TMEM232: variants seen among roughly 807,000 people sequenced by gnomAD.
TMEM232 encodes the protein transmembrane protein 232.
A neutral mutation model predicts 78.8 loss-of-function variants in TMEM232; 80 were observed. The ratio of observed to expected loss-of-function variants is 1.01; its 90% confidence interval spans 0.85 to 1.22. The LOEUF is 1.22. Among genes scored for constraint, TMEM232 ranks in the 50% most tolerant of loss-of-function variants. TMEM232 has a pLI of 0.00. For synonymous variants in TMEM232, 297 were observed against 254.3 expected (o/e 1.17, Z -1.60); for missense variants, 881 against 742.2 (o/e 1.19, Z -2.17).
At chr5:110,476,402 G>T (rs898286562) in intron 12 of TMEM232, among the ~76,000 whole-genome samples, 1 of 151,934 alleles carries the variant, frequency 6.6e-6, no homozygotes, top group African/African-American at 2.4e-5. Flanking sequence ...CAAAGAAAAG[G>T]ACTCCAGAGG....
In TMEM232 at chr5:110,606,278, T is replaced by C. The variant is rs1041551641; in HGVS notation, c.912A>G (p.Ser304=). The C allele has an allele frequency of 2.0e-6, 3 of 1,524,142 alleles. No individual in the cohort carries two copies. In the African/African-American group the frequency reaches 4.1e-5, roughly 21 times the overall value. 94.4% of individuals were successfully genotyped at this position (1,524,142 alleles called of 1,614,324 possible). The part of the protein sequence containing the change: ...TQLQKKCWLD[S]VLALLVLGEA... The stretch of plus-strand genomic sequence containing the variant: ...CCCCAAGGACCAGTAAAGCCAGTAC[T>C]GAATCCAACCTGAAAATTTTATGGA... The change falls in exon 9 of 14, where the codon TCA becomes TCG. Residue 304 remains serine (S), a synonymous_variant. Coordinates refer to ENST00000455884, the MANE Select transcript of TMEM232 (RefSeq NM_001039763.4).
At chr5:110,388,376 G>C (rs1428323168) in intron 4 of TMEM232, among the ~76,000 whole-genome samples, 1 of 152,150 alleles carries the variant, frequency 6.6e-6, no homozygotes, top group Non-Finnish European at 1.5e-5. Flanking sequence ...GTCCCAGGTA[G>C]TATATTCCTA....
chr5:110,660,705 A>ATACATAGATAGTTG (rs1187624543), intron 2 of TMEM232, among the ~76,000 whole-genome samples: 2 of 152,224 alleles, frequency 1.3e-5, no homozygotes, highest in East Asian at 3.9e-4. Context: ...ATGATTGTGG[A>ATACATAGATAGTTG]TACATAGATA....
intron 1 of TMEM232, among the ~76,000 whole-genome samples, chr5:110,694,867 C>A (rs938249272): frequency 2.6e-5 from 4 of 152,010 alleles, no homozygotes; most frequent in African/African-American, 9.7e-5. Flanking sequence ...ACTTTAACAC[C>A]CCACTGTCAA....
At chr5:110,390,103 A>C (rs1386773272) in intron 4 of TMEM232, among the ~76,000 whole-genome samples, 4 of 152,024 alleles carry the variant, frequency 2.6e-5, no homozygotes, top group Non-Finnish European at 5.9e-5. Context: ...CTCTCACTAC[A>C]CCCATAACCA....
intron 11 of TMEM232, among the ~76,000 whole-genome samples, chr5:110,535,169 G>A (rs1269784943): frequency 6.6e-6 from 1 of 152,090 alleles, no homozygotes; most frequent in African/African-American, 2.4e-5. Flanking sequence ...TGACCTGCCT[G>A]TACACATCCA....
intron 11 of TMEM232, among the ~76,000 whole-genome samples, chr5:110,550,280 G>C (rs550567915): frequency 4.3e-4 from 65 of 152,184 alleles, no homozygotes; most frequent in African/African-American, 1.6e-3. Context: ...GTTAAACTTG[G>C]AAAAATTGAG....
In TMEM232 at chr5:110,531,791, C is replaced by T. The variant is rs139443711; in HGVS notation, c.1456-2956G>A. On this transcript the variant is annotated intron_variant, in intron 11 of 13. Coordinates refer to ENST00000455884, the MANE Select transcript of TMEM232 (RefSeq NM_001039763.4). ...TAAAAACCCAGCCCAGTTCATGGCT[C>T]GTTTGGCAGCAACCCTGAGATGCTT... Among the ~76,000 whole-genome samples, 1,021 of 152,250 alleles carry T rather than the reference C, an allele frequency of 6.7e-3. 11 individuals are homozygous for T. The highest frequency in any genetic ancestry group is 0.023 in the African/African-American group (953 of 41,526).
intron 11 of TMEM232, among the ~76,000 whole-genome samples, chr5:110,556,903 T>C (rs1775154728): frequency 1.3e-5 from 2 of 152,182 alleles, no homozygotes; most frequent in Non-Finnish European, 2.9e-5. Flanking sequence ...TTGCTCTGAA[T>C]TTGAATATCA....
Position 110,430,967 on chromosome 5 carries a change from T to C in TMEM232, c.1704-6051A>G, listed in dbSNP as rs1309410223. Among the ~76,000 whole-genome samples the C allele has an allele frequency of 2.0e-5, 3 of 151,806 alleles. No individual in the cohort carries two copies. In the East Asian group the frequency reaches 5.8e-4, roughly 29 times the overall value. On this transcript the variant is annotated intron_variant, in intron 12 of 13. Transcript: ENST00000455884. ...AAAATATACTTCTCCTTAGAGCATT[T>C]ATCCTTTTATTTTATGGATTGAAAA...
intron 10 of TMEM232, among the ~76,000 whole-genome samples, chr5:110,593,451 A>C (rs1779774849): frequency 6.6e-6 from 1 of 152,200 alleles, no homozygotes; most frequent in Non-Finnish European, 1.5e-5. Context: ...GGAAAATATC[A>C]GATTTTCTTT....
intron 1 of TMEM232, among the ~76,000 whole-genome samples, chr5:110,712,105 CAAA>C (rs61482697): frequency 0.015 from 950 of 65,352 alleles, 6 homozygotes; most frequent in African/African-American, 0.04. Context: ...GACTCAATCT[CAAA>C]AAAAAAAAAA....
chr5:110,569,223 T>C (rs1401854244), intron 10 of TMEM232, among the ~76,000 whole-genome samples: 5 of 151,922 alleles, frequency 3.3e-5, no homozygotes, highest in East Asian at 3.9e-4. Flanking sequence ...ACTCCTCTTC[T>C]AGAACTTATA....
chr5:110,422,005 CA>C (rs756144772), intron 13 of TMEM232, among the ~76,000 whole-genome samples: 2 of 152,202 alleles, frequency 1.3e-5, no homozygotes, highest in Non-Finnish European at 2.9e-5. Context: ...GCAAAACCTC[CA>C]GAATAGTCAG....
intron 3 of TMEM232, among the ~76,000 whole-genome samples, chr5:110,391,213 T>G (rs1413290800): frequency 6.6e-6 from 1 of 151,772 alleles, no homozygotes; most frequent in Non-Finnish European, 1.5e-5. Context: ...ATGAATAAGA[T>G]GAGATAACTC....
intron 5 of TMEM232, 116 bp downstream of exon 5, chr5:110,638,082 A>T: frequency 1.2e-6 from 1 of 818,546 alleles, no homozygotes; most frequent in East Asian, 2.9e-5. Flanking sequence ...ACTACCAAAC[A>T]AAAGAATATT....
rs139482387 is a variant in TMEM232, at chr5:110,560,625, T to A, written c.1455+7822A>T. On this transcript the variant is annotated intron_variant, in intron 11 of 13. Coordinates refer to ENST00000455884, the MANE Select transcript of TMEM232 (RefSeq NM_001039763.4). ...AATAGAAAACCCAAGAGAAAAAAAA[T>A]AATTTTTGAGCTGACAATTCACTAA... Among the ~76,000 whole-genome samples the A allele has an allele frequency of 5.1e-4, 77 of 152,084 alleles. 1 individual carries two copies. The East Asian group carries it at 0.012, about 23-fold the overall frequency.
In TMEM232 at chr5:110,447,946, C is replaced by A. The variant is rs577454059; in HGVS notation, c.1704-23030G>T. 2.6e-5 allele frequency among the ~76,000 whole-genome samples: 4 copies of A among 151,908 alleles called. No individual in the cohort carries two copies. The South Asian group carries it at 8.3e-4, about 32-fold the overall frequency. On this transcript the variant is annotated intron_variant, in intron 12 of 13. Coordinates refer to ENST00000455884, the MANE Select transcript of TMEM232 (RefSeq NM_001039763.4). ...AAATCCAGTAATTATGAATTTAAAACCCTCAAAAATTGTCATTGAAGAAGT... is the reference window on the plus strand; with the variant it reads ...AAATCCAGTAATTATGAATTTAAAAACCTCAAAAATTGTCATTGAAGAAGT...
At chr5:110,663,092 A>G (rs534896243) in intron 2 of TMEM232, among the ~76,000 whole-genome samples, 1 of 152,260 alleles carries the variant, frequency 6.6e-6, no homozygotes, top group East Asian at 1.9e-4. Context: ...ACAGCAATGT[A>G]TGAAACGTTC....
Sources: allele counts gnomAD v4.1 joint callset (sites outside exome capture counted in the v4.1 genomes callset), GRCh38; gene constraint gnomAD v4.1.1; transcripts MANE v1.5; gene names NCBI Gene and HGNC (gene_info 2026-07-23, HGNC 2026-07-21).